The following SP4 variants were observed in gnomAD, a reference collection of about 807,000 sequenced individuals.
The protein encoded by SP4 is Sp4 transcription factor.
SP4 carries 19 observed loss-of-function variants against 72.8 expected under a neutral mutation model. That is an observed-to-expected ratio of 0.26 (90% CI 0.18 to 0.38). SP4 has a LOEUF of 0.38. SP4 is among the 10% of genes least tolerant of loss of function. SP4 has a pLI of 1.00. For synonymous variants in SP4, 395 were observed against 333.1 expected, an observed-to-expected ratio of 1.19 and a Z score of -2.02; for missense variants, 1,008 against 926.3, an observed-to-expected ratio of 1.09 and a Z score of -1.14.
intron 5 of SP4, 24 bp downstream of exon 5, chr7:21,482,147 C>G: frequency 1.3e-6 from 2 of 1,558,762 alleles, no homozygotes; most frequent in African/African-American, 2.7e-5. Context: ...AGGACTTGTA[C>G]TTTTTACTTA....
intron 5 of SP4, 51 bp from the exon 6 acceptor site, chr7:21,510,971 A>G (rs1782126465): frequency 4.6e-6 from 7 of 1,524,342 alleles, no homozygotes; most frequent in Non-Finnish European, 6.2e-6. Context: ...AAAAATTATA[A>G]TTTCACTTAA....
chr7:21,451,940 G>T (rs764313129), intron 3 of SP4, among the ~76,000 whole-genome samples: 1 of 152,216 alleles, frequency 6.6e-6, no homozygotes, highest in Admixed American at 6.5e-5. Context: ...AGACCTGGGT[G>T]CGTGGGGTTG....
Position 21,430,342 on chromosome 7 carries a change from C to G in SP4, c.1177C>G (p.Leu393Val). 6.2e-7 allele frequency: 1 copy of G among 1,614,212 alleles called. No individual in the cohort carries two copies. The highest frequency in any genetic ancestry group is 8.5e-7 in the Non-Finnish European group (1 of 1,180,048). Residue 393 changes from leucine to valine, a missense_variant, in exon 3 of 6, where the codon CTT becomes GTT. Physicochemically the swap from Leu to Val is conservative, Grantham distance 32 (BLOSUM62 1). Coordinates refer to ENST00000222584, the MANE Select transcript of SP4 (RefSeq NM_003112.5). ...MQNAQDQSNS[L>V]QQVQIVGQPI... The stretch of plus-strand genomic sequence containing the variant: ...GAATGCACAGGATCAATCAAATTCT[C>G]TTCAGCAGGTGCAAATTGTAGGCCA...
At chr7:21,481,693 A>G (rs1264079440) in intron 4 of SP4, among the ~76,000 whole-genome samples, 3 of 152,198 alleles carry the variant, frequency 2.0e-5, no homozygotes, top group Non-Finnish European at 4.4e-5. Context: ...GTGAGTCCAT[A>G]ATAGAGCATA....
chr7:21,504,237 C>G (rs1781938569), intron 5 of SP4, among the ~76,000 whole-genome samples: 1 of 152,170 alleles, frequency 6.6e-6, no homozygotes, highest in Non-Finnish European at 1.5e-5. Flanking sequence ...TTTCTAAAAC[C>G]TGTTTGACCA....
At chr7:21,506,003 G>C (rs889784214) in intron 5 of SP4, among the ~76,000 whole-genome samples, 2 of 152,062 alleles carry the variant, frequency 1.3e-5, no homozygotes, top group Non-Finnish European at 2.9e-5. Flanking sequence ...TCTGTCAGGA[G>C]GCCCATCATT....
rs573522200 is a variant in SP4, at chr7:21,464,392, G to A, written c.1679-12687G>A. 3.3e-5 allele frequency among the ~76,000 whole-genome samples: 5 copies of A among 152,066 alleles called. No individual in the cohort carries two copies. In the South Asian group the frequency reaches 6.2e-4, roughly 19 times the overall value. On this transcript the variant is annotated intron_variant, in intron 3 of 5. Transcript: ENST00000222584. ...ATTACAGGCGTGAGCCACTGCGCCCGGCCAGTCAGGGCTCTCTTTCAGAGC... is the reference window on the plus strand; with the variant it reads ...ATTACAGGCGTGAGCCACTGCGCCCAGCCAGTCAGGGCTCTCTTTCAGAGC...
intron 3 of SP4, among the ~76,000 whole-genome samples, chr7:21,473,321 G>A (rs1784403998): frequency 6.6e-6 from 1 of 152,166 alleles, no homozygotes; most frequent in African/African-American, 2.4e-5. Context: ...TGGATAACAA[G>A]GAGAATAGGG....
At chr7:21,479,399 C>T (rs571612500) in intron 4 of SP4, among the ~76,000 whole-genome samples, 17 of 152,114 alleles carry the variant, frequency 1.1e-4, no homozygotes, top group African/African-American at 3.9e-4. Context: ...GTCCTTTCTC[C>T]GTTGAATGTT....
Position 21,430,769 on chromosome 7 carries a change from C to A in SP4, c.1604C>A (p.Thr535Lys), listed in dbSNP as rs765616386. 1.2e-5 allele frequency: 20 copies of A among 1,614,096 alleles called. No homozygotes were observed. The highest frequency in any genetic ancestry group is 4.2e-6 in the Non-Finnish European group (5 of 1,180,046). The change falls in exon 3 of 6, where the codon ACA (threonine) becomes AAA (lysine). Residue 535 changes from threonine (T) to lysine (K), a missense_variant. Thr to Lys is a moderately conservative substitution (Grantham distance 78). This residue lies in a region of SP4 where 893 missense variants were observed against 743.3 expected (regional missense o/e 1.20). Transcript: ENST00000222584. ...CTTGCATCAGTGCCTAACCTTCAGA[C>A]AGTGAGCGTTGCCAACCTGGGTGCT... ...AQLASVPNLQ[T>K]VSVANLGAAG...
chr7:21,451,099 G>T (rs888421753), intron 3 of SP4, among the ~76,000 whole-genome samples: 9 of 152,206 alleles, frequency 5.9e-5, no homozygotes, highest in Non-Finnish European at 1.2e-4. Context: ...CTTGGGAGGG[G>T]CTGCACGTGC....
At chr7:21,431,902 G>A (rs1782868867) in intron 3 of SP4, among the ~76,000 whole-genome samples, 1 of 152,116 alleles carries the variant, frequency 6.6e-6, no homozygotes, top group African/African-American at 2.4e-5. Flanking sequence ...TTACGCTAGG[G>A]TTCTTCTTTT....
intron 3 of SP4, among the ~76,000 whole-genome samples, chr7:21,449,341 C>G (rs1475659305): frequency 6.6e-6 from 1 of 152,210 alleles, no homozygotes; most frequent in African/African-American, 2.4e-5. Context: ...CTCTTGGGAA[C>G]TGTAACAAAC....
Position 21,429,529 on chromosome 7 carries a change from T to A in SP4, c.364T>A (p.Ser122Thr). ...SKENNVSQPA[S>T]SSSSSSSSNN... ...AGAGAATAACGTTTCTCAACCAGCC[T>A]CTAGTTCGTCTAGTTCTTCCAGCAG... is the stretch of plus-strand genomic sequence containing the variant. Residue 122 changes from serine (S) to threonine (T), a missense_variant, in exon 3 of 6, where the codon TCT becomes ACT. Ser to Thr is a moderately conservative substitution (Grantham distance 58). This residue lies in a region of SP4 where 893 missense variants were observed against 743.3 expected (regional missense o/e 1.20). Coordinates refer to ENST00000222584, the MANE Select transcript of SP4 (RefSeq NM_003112.5). 1.2e-6 allele frequency: 2 copies of A among 1,614,094 alleles called. No individual in the cohort carries two copies.
intron 3 of SP4, among the ~76,000 whole-genome samples, chr7:21,455,240 T>C (rs1166168580): frequency 6.6e-6 from 1 of 152,204 alleles, no homozygotes; most frequent in Non-Finnish European, 1.5e-5. Flanking sequence ...GAAGTTTGAC[T>C]TCCAGTAGCC....
At chr7:21,439,016 G>GGTATGTAT (rs199936073) in intron 3 of SP4, among the ~76,000 whole-genome samples, 55 of 152,174 alleles carry the variant, frequency 3.6e-4, no homozygotes, top group African/African-American at 1.2e-3. Flanking sequence ...CTTTATCACA[G>GGTATGTAT]GTATGTATGT....
chr7:21,447,023 T>G (rs1372784868), intron 3 of SP4, among the ~76,000 whole-genome samples: 1 of 152,194 alleles, frequency 6.6e-6, no homozygotes, highest in Non-Finnish European at 1.5e-5. Flanking sequence ...ATGTCCAGCC[T>G]TCAGCAACAG....
At chr7:21,488,445 A>G (rs114407491) in intron 5 of SP4, among the ~76,000 whole-genome samples, 247 of 145,804 alleles carry the variant, frequency 1.7e-3, no homozygotes, top group African/African-American at 5.8e-3. Context: ...CAGACATTTG[A>G]TATAATCATT....
intron 5 of SP4, among the ~76,000 whole-genome samples, chr7:21,500,924 T>TG (rs1781848059): frequency 6.6e-6 from 1 of 152,164 alleles, no homozygotes; most frequent in Non-Finnish European, 1.5e-5. Context: ...AGACTGCACT[T>TG]GGAGACACAA....
Sources: gnomAD v4.1 joint callset for allele counts (sites outside exome capture counted in the v4.1 genomes callset) on GRCh38, gnomAD v4.1.1 for gene constraint, gnomAD v4.1.1 regional missense constraint, MANE v1.5 for transcripts, NCBI Gene and HGNC (gene_info 2026-07-23, HGNC 2026-07-21) for gene names.